The following RAB3C variants were observed in gnomAD, a reference collection of about 807,000 sequenced individuals.
The protein encoded by RAB3C is RAB3C, member RAS oncogene family.
In RAB3C, 17 loss-of-function variants were observed where a neutral mutation model predicts 26.4. The ratio of observed to expected loss-of-function variants is 0.64; its 90% CI spans 0.44 to 0.97. The LOEUF is 0.97. RAB3C is among the 50% of genes least tolerant of loss of function. The probability of loss-of-function intolerance (pLI) is 0.00; values close to 1 mark genes in which losing one functional copy is unlikely to be tolerated. For synonymous variants in RAB3C, 91 were observed against 95.9 expected (o/e 0.95, Z 0.30); for missense variants, 242 against 281.9 (o/e 0.86, Z 1.01).
chr5:58,767,667 G>T (rs1422228), intron 3 of RAB3C, among the ~76,000 whole-genome samples: 119,516 of 152,090 alleles, frequency 0.79, 47,109 homozygotes, highest in African/African-American at 0.83. Flanking sequence ...TTCTGATATT[G>T]CTACTAGCAT....
chr5:58,646,225 A>T (rs1178535323), intron 2 of RAB3C, among the ~76,000 whole-genome samples: 1 of 152,112 alleles, frequency 6.6e-6, no homozygotes, highest in Non-Finnish European at 1.5e-5. Context: ...GTCTTCTCTC[A>T]CTGCACCTAG....
At chr5:58,689,528 G>A (rs1233886559) in intron 2 of RAB3C, among the ~76,000 whole-genome samples, 3 of 152,004 alleles carry the variant, frequency 2.0e-5, no homozygotes. Context: ...AGAAAAAAAA[G>A]TGTATGGCCC....
At chr5:58,844,468 T>C (rs1408882244) in intron 4 of RAB3C, among the ~76,000 whole-genome samples, 1 of 152,196 alleles carries the variant, frequency 6.6e-6, no homozygotes, top group Non-Finnish European at 1.5e-5. Flanking sequence ...ATCAAAAGCC[T>C]TACCTCCCAC....
At chr5:58,712,836 TG>T (rs1269390082) in intron 2 of RAB3C, among the ~76,000 whole-genome samples, 4 of 152,176 alleles carry the variant, frequency 2.6e-5, no homozygotes, top group African/African-American at 9.7e-5. Context: ...AGAATATTTT[TG>T]TTTTTATTTT....
chr5:58,839,256 T>C (rs1579947282), intron 4 of RAB3C, among the ~76,000 whole-genome samples: 1 of 152,090 alleles, frequency 6.6e-6, no homozygotes, highest in South Asian at 2.1e-4. Flanking sequence ...TTACTGATTG[T>C]TTCCTGGTTG....
chr5:58,656,322 T>C (rs889100805), intron 2 of RAB3C, among the ~76,000 whole-genome samples: 15 of 152,316 alleles, frequency 9.8e-5, no homozygotes, highest in African/African-American at 3.4e-4. Context: ...TAACTAATCA[T>C]AATGTACTTT....
intron 3 of RAB3C, among the ~76,000 whole-genome samples, chr5:58,755,047 A>G (rs1396219856): frequency 2.0e-5 from 3 of 152,216 alleles, no homozygotes; most frequent in African/African-American, 4.8e-5. Context: ...GACAGCTGAC[A>G]GGTTATCAAC....
rs995366349 is a variant in RAB3C, at chr5:58,806,754, C to T, written c.372-18284C>T. ...TGTCACTGGGGAACAAAATCACCCCCACTCAAGAACTACTGTGTTAGAATA... is the reference window on the plus strand; with the variant it reads ...TGTCACTGGGGAACAAAATCACCCCTACTCAAGAACTACTGTGTTAGAATA... On this transcript the variant is annotated intron_variant, in intron 3 of 4. Coordinates refer to ENST00000282878, the MANE Select transcript of RAB3C (RefSeq NM_138453.4). Among the ~76,000 whole-genome samples, 14 of 152,242 alleles carry T rather than the reference C, an allele frequency of 9.2e-5. No individual in the cohort carries two copies. In the East Asian group the frequency reaches 2.7e-3, roughly 29 times the overall value.
At chr5:58,693,996 G>A (rs551778688) in intron 2 of RAB3C, among the ~76,000 whole-genome samples, 95 of 151,904 alleles carry the variant, frequency 6.3e-4, no homozygotes, top group Admixed American at 1.6e-3. Flanking sequence ...GGTTTGATAC[G>A]TAGGTATACA....
intron 3 of RAB3C, among the ~76,000 whole-genome samples, chr5:58,805,138 G>A (rs1183086837): frequency 6.6e-6 from 1 of 151,674 alleles, no homozygotes; most frequent in Non-Finnish European, 1.5e-5. Context: ...TACTTATTAG[G>A]CACTGTTAAA....
At chr5:58,639,026 G>A (rs570148343) in intron 2 of RAB3C, among the ~76,000 whole-genome samples, 90 of 152,246 alleles carry the variant, frequency 5.9e-4, no homozygotes, top group Admixed American at 1.7e-3. Flanking sequence ...TGGCCTGGAA[G>A]TGCAGTGCCT....
intron 1 of RAB3C, among the ~76,000 whole-genome samples, chr5:58,596,390 A>G (rs1485918908): frequency 6.8e-6 from 1 of 146,022 alleles, no homozygotes; most frequent in Non-Finnish European, 1.5e-5. Flanking sequence ...CTCTGTCTAT[A>G]AAGATTTTGC....
intron 2 of RAB3C, among the ~76,000 whole-genome samples, chr5:58,633,830 CTTGTTAA>C (rs1454930994): frequency 6.6e-6 from 1 of 152,084 alleles, no homozygotes; most frequent in East Asian, 1.9e-4. Flanking sequence ...TACATATTTA[CTTGTTAA>C]ATTTGTTTGT....
chr5:58,819,640 C>T (rs1579936466), intron 3 of RAB3C, among the ~76,000 whole-genome samples: 1 of 152,190 alleles, frequency 6.6e-6, no homozygotes, highest in Non-Finnish European at 1.5e-5. Context: ...TTTGGGAGGC[C>T]GAGGCAGGCA....
chr5:58,777,578 TGAAAG>T (rs1435071487), intron 3 of RAB3C, among the ~76,000 whole-genome samples: 56 of 152,016 alleles, frequency 3.7e-4, no homozygotes, highest in Middle Eastern at 6.8e-3. Context: ...GGGAATTTCT[TGAAAG>T]GAAAGACCAT....
intron 2 of RAB3C, among the ~76,000 whole-genome samples, chr5:58,630,376 C>G (rs1747163079): frequency 6.6e-6 from 1 of 151,956 alleles, no homozygotes; most frequent in Admixed American, 6.6e-5. Flanking sequence ...GTTATATCTA[C>G]TGATATTTAA....
chr5:58,725,738 C>A (rs993569092), intron 2 of RAB3C, among the ~76,000 whole-genome samples: 1 of 151,738 alleles, frequency 6.6e-6, no homozygotes, highest in Non-Finnish European at 1.5e-5. Context: ...TGTTGTATAT[C>A]TTAATTATAC....
intron 3 of RAB3C, among the ~76,000 whole-genome samples, chr5:58,730,777 G>A (rs924022657): frequency 2.6e-5 from 4 of 152,092 alleles, no homozygotes; most frequent in African/African-American, 9.7e-5. Flanking sequence ...ATTCTGGTCT[G>A]TTAAGGAGAA....
intron 1 of RAB3C, among the ~76,000 whole-genome samples, chr5:58,615,925 C>T (rs2111718868): frequency 6.6e-6 from 1 of 152,080 alleles, no homozygotes; most frequent in East Asian, 1.9e-4. Context: ...TACACAATCT[C>T]ACCATTTCCC....
Sources: gnomAD v4.1 joint callset for allele counts (sites outside exome capture counted in the v4.1 genomes callset) on GRCh38, gnomAD v4.1.1 for gene constraint, MANE v1.5 for transcripts, NCBI Gene and HGNC (gene_info 2026-07-23, HGNC 2026-07-21) for gene names.